The following PRR16 variants were observed in gnomAD, a reference collection of about 807,000 sequenced individuals.
PRR16 encodes protein Largen.
PRR16 carries 6 observed loss-of-function variants against 18.2 expected under a neutral mutation model. That is an observed-to-expected ratio of 0.33 (90% CI 0.18 to 0.65). The LOEUF is 0.65. Ranked by LOEUF, PRR16 falls within the 30% of genes least tolerant of loss-of-function variation. The pLI, the probability that PRR16 is intolerant of heterozygous loss-of-function variation, is 0.74. For synonymous variants in PRR16, 151 were observed against 147.8 expected, an observed-to-expected ratio of 1.02 and a Z score of -0.16; for missense variants, 412 against 376.6, an observed-to-expected ratio of 1.09 and a Z score of -0.78.
intron 1 of PRR16, among the ~76,000 whole-genome samples, chr5:120,546,669 A>G (rs113004542): frequency 1.3e-5 from 2 of 151,540 alleles, no homozygotes; most frequent in African/African-American, 4.9e-5. Flanking sequence ...TCAGCTAGAG[A>G]TTTTTTTTTC....
intron 1 of PRR16, among the ~76,000 whole-genome samples, chr5:120,604,436 A>C (rs1366398662): frequency 6.6e-6 from 1 of 151,930 alleles, no homozygotes; most frequent in Non-Finnish European, 1.5e-5. Flanking sequence ...TTCAGCCTGT[A>C]GGGTCACTGC....
the PRR16 span, chr5:120,781,579 C>G: frequency 6.6e-6 from 1 of 152,078 alleles, no homozygotes; most frequent in Non-Finnish European, 1.5e-5. Flanking sequence ...TCAGGGAGAT[C>G]AGGAGAAGGT....
chr5:120,587,099 C>T (rs1388842475), intron 1 of PRR16, among the ~76,000 whole-genome samples: 1 of 152,138 alleles, frequency 6.6e-6, no homozygotes, highest in African/African-American at 2.4e-5. Flanking sequence ...AGAGCAAATC[C>T]CTAAGTTTCT....
intron 1 of PRR16, among the ~76,000 whole-genome samples, chr5:120,569,355 G>T (rs553539916): frequency 6.6e-6 from 1 of 152,150 alleles, no homozygotes; most frequent in African/African-American, 2.4e-5. Flanking sequence ...CAAAGGTTAA[G>T]GCATGTGCAT....
chr5:120,739,156 A>C, the PRR16 span, among the ~76,000 whole-genome samples: 1 of 152,156 alleles, frequency 6.6e-6, no homozygotes, highest in Admixed American at 6.5e-5. Flanking sequence ...AAATTAGTGA[A>C]AGATGCTGAA....
intron 1 of PRR16, among the ~76,000 whole-genome samples, chr5:120,529,897 A>G (rs996779726): frequency 1.3e-5 from 2 of 151,996 alleles, no homozygotes; most frequent in African/African-American, 2.4e-5. Flanking sequence ...AGTAAACACA[A>G]TACAGCAGGC....
chr5:120,753,793 T>A, the PRR16 span, among the ~76,000 whole-genome samples: 15 of 143,528 alleles, frequency 1.0e-4, no homozygotes, highest in South Asian at 2.1e-4. Flanking sequence ...TTATATGTAC[T>A]CTAACATCCC....
intron 1 of PRR16, among the ~76,000 whole-genome samples, chr5:120,630,091 C>A (rs529295083): frequency 2.0e-5 from 3 of 151,940 alleles, no homozygotes; most frequent in Non-Finnish European, 4.4e-5. Flanking sequence ...AGCTATAATT[C>A]TTTAAATACT....
chr5:120,705,010 AAT>A, the PRR16 span, among the ~76,000 whole-genome samples: 42 of 152,242 alleles, frequency 2.8e-4, no homozygotes, highest in African/African-American at 9.6e-4. Context: ...TAGAGTGGGA[AAT>A]ATATGACTTC....
At chr5:120,603,361 A>G (rs1487490028) in intron 1 of PRR16, among the ~76,000 whole-genome samples, 3 of 152,100 alleles carry the variant, frequency 2.0e-5, no homozygotes, top group African/African-American at 7.2e-5. Flanking sequence ...AGGTGTTCAT[A>G]TTAGTCTCTG....
chr5:120,479,477 T>G (rs1317257199), intron 1 of PRR16, among the ~76,000 whole-genome samples: 1 of 152,182 alleles, frequency 6.6e-6, no homozygotes, highest in Non-Finnish European at 1.5e-5. Context: ...TAACCACTAC[T>G]GGATTATTTT....
At chr5:120,773,252 G>A in the PRR16 span, among the ~76,000 whole-genome samples, 1 of 152,210 alleles carries the variant, frequency 6.6e-6, no homozygotes, top group East Asian at 1.9e-4. Flanking sequence ...AAAACAATAA[G>A]GTACAAGTGT....
chr5:120,648,977 C>T (rs551251231), intron 1 of PRR16, among the ~76,000 whole-genome samples: 1 of 152,156 alleles, frequency 6.6e-6, no homozygotes, highest in South Asian at 2.1e-4. Context: ...GGAAGTAACA[C>T]GTTTTGAATG....
intron 1 of PRR16, among the ~76,000 whole-genome samples, chr5:120,559,370 T>C (rs76745111): frequency 0.052 from 7,946 of 151,946 alleles, 244 homozygotes; most frequent in African/African-American, 0.087. Context: ...CATATAGATA[T>C]CCAGTTTTCT....
the PRR16 span, among the ~76,000 whole-genome samples, chr5:120,771,040 G>T: frequency 6.7e-6 from 1 of 150,304 alleles, no homozygotes; most frequent in African/African-American, 2.4e-5. Context: ...TAATTTTTAA[G>T]ATAATATAAC....
intron 1 of PRR16, among the ~76,000 whole-genome samples, chr5:120,632,375 C>G (rs759394166): frequency 6.6e-6 from 1 of 152,062 alleles, no homozygotes; most frequent in Non-Finnish European, 1.5e-5. Context: ...CAAGCCAAGA[C>G]AAAAACCTCT....
chr5:120,792,330 A>C, the PRR16 span, among the ~76,000 whole-genome samples: 1 of 152,128 alleles, frequency 6.6e-6, no homozygotes, highest in Non-Finnish European at 1.5e-5. Context: ...CAGACTAGAA[A>C]AAGTGTCTAA....
At chr5:120,781,963 A>C in the PRR16 span, among the ~76,000 whole-genome samples, 1 of 151,132 alleles carries the variant, frequency 6.6e-6, no homozygotes, top group Non-Finnish European at 1.5e-5. Flanking sequence ...TAAAAACTTT[A>C]ACAAGTGGGT....
At chr5:120,671,514 A>G (rs568363835) in intron 1 of PRR16, among the ~76,000 whole-genome samples, 161 of 152,240 alleles carry the variant, frequency 1.1e-3, no homozygotes, top group African/African-American at 3.7e-3. Flanking sequence ...GAAGGAGAGG[A>G]TAGAGTTTTC....
Sources: gnomAD v4.1 joint callset for allele counts (sites outside exome capture counted in the v4.1 genomes callset) on GRCh38, gnomAD v4.1.1 for gene constraint, MANE v1.5 for transcripts, NCBI Gene and HGNC (gene_info 2026-07-23, HGNC 2026-07-21) for gene names.